Variants in STX17 observed in about 807,000 individuals in gnomAD.
The protein encoded by STX17 is syntaxin 17, also known as syntaxin-17.
A neutral mutation model predicts 35.9 loss-of-function variants in STX17; 29 were observed. The observed-to-expected ratio is 0.81, with a 90% CI of 0.60 to 1.10. STX17 has a LOEUF of 1.10. STX17 is among the 50% of genes least tolerant of loss of function. The pLI, the probability that STX17 is intolerant of heterozygous loss-of-function variation, is 0.00. For synonymous variants in STX17, 92 were observed against 118.3 expected (o/e 0.78, Z 1.44); for missense variants, 312 against 352.3 (o/e 0.89, Z 0.92).
At chr9:99,953,572 T>C (rs1208579852) in intron 4 of STX17, among the ~76,000 whole-genome samples, 3 of 152,092 alleles carry the variant, frequency 2.0e-5, no homozygotes, top group Non-Finnish European at 2.9e-5. Flanking sequence ...TAGTGCAAAC[T>C]GATGCTTTAT....
intron 6 of STX17, among the ~76,000 whole-genome samples, chr9:99,962,244 A>C (rs1829842795): frequency 6.6e-6 from 1 of 152,190 alleles, no homozygotes; most frequent in African/African-American, 2.4e-5. Context: ...GGATGCCTCT[A>C]AGTTAGAAGA....
chr9:99,938,399 A>G (rs1004727876), intron 3 of STX17, among the ~76,000 whole-genome samples: 7 of 152,214 alleles, frequency 4.6e-5, no homozygotes, highest in African/African-American at 1.7e-4. Context: ...GGATTAAGAA[A>G]CATTTTGTGA....
At chr9:99,938,258 AC>A (rs1829278676) in intron 3 of STX17, among the ~76,000 whole-genome samples, 1 of 151,834 alleles carries the variant, frequency 6.6e-6, no homozygotes. Context: ...CCTGTGCTGC[AC>A]TCTCCTCTCC....
intron 2 of STX17, among the ~76,000 whole-genome samples, chr9:99,926,680 A>C (rs1828992415): frequency 6.6e-6 from 1 of 151,998 alleles, no homozygotes. Flanking sequence ...TTGTATTTTT[A>C]GTAGAGACGG....
In STX17 at chr9:99,974,349, C is replaced by A. The variant is rs573795199; in HGVS notation, c.*5676C>A. Among the ~76,000 whole-genome samples the A allele has an allele frequency of 6.6e-6, 1 of 152,298 alleles. No individual in the cohort carries two copies. Among genetic ancestry groups the A allele is most frequent in the African/African-American group, 2.4e-5 (1 of 41,576 alleles). On this transcript the variant is annotated 3_prime_UTR_variant, in exon 8 of 8. Transcript: ENST00000259400. The stretch of plus-strand genomic sequence containing the variant: ...GTTTACTTGGGTTTCGTTAACTAAA[C>A]CCCCTAAAGATGTTTTCCATTTTAT...
At chr9:99,914,703 A>G (rs1194378902) in intron 1 of STX17, among the ~76,000 whole-genome samples, 4 of 152,240 alleles carry the variant, frequency 2.6e-5, no homozygotes, top group African/African-American at 9.6e-5. Flanking sequence ...TTATGATGAC[A>G]TTAGACATGA....
chr9:99,967,618 G>C (rs543491661), intron 6 of STX17, 35 bp from the exon 7 acceptor site: 1 of 1,600,668 alleles, frequency 6.2e-7, no homozygotes, highest in East Asian at 2.2e-5. Flanking sequence ...CTGCTCCCCA[G>C]CAGGACCGCT....
At chr9:99,911,257 C>T (rs578047756) in intron 1 of STX17, among the ~76,000 whole-genome samples, 140 of 152,008 alleles carry the variant, frequency 9.2e-4, no homozygotes, top group Non-Finnish European at 1.8e-3. Context: ...AGGATGGTCT[C>T]GATCTCCTGA....
At chr9:99,956,128 C>G (rs968278062) in intron 4 of STX17, among the ~76,000 whole-genome samples, 4 of 152,076 alleles carry the variant, frequency 2.6e-5, no homozygotes, top group African/African-American at 9.7e-5. Flanking sequence ...AGAGCACAGA[C>G]CTCTTTGTTC....
intron 3 of STX17, chr9:99,945,627 C>A: frequency 4.0e-6 from 1 of 248,860 alleles, no homozygotes; most frequent in Non-Finnish European, 8.1e-6. Flanking sequence ...TTATTGTGTG[C>A]TATTTCTTAA....
chr9:99,929,071 A>G (rs1829053447), intron 3 of STX17: 1 of 373,860 alleles, frequency 2.7e-6, no homozygotes, highest in African/African-American at 2.1e-5. Context: ...TTATACTCTC[A>G]CAAGCAATAC....
chr9:99,967,477 T>G, intron 6 of STX17, 176 bp from the exon 7 acceptor site: 1 of 377,586 alleles, frequency 2.6e-6, no homozygotes, highest in Non-Finnish European at 4.8e-6. Context: ...CCCCCCTTTT[T>G]TTTATGAAAG....
Position 99,960,090 on chromosome 9 carries a change from C to A in STX17, c.532-15C>A, listed in dbSNP as rs779336270. 2.4e-5 allele frequency: 39 copies of A among 1,613,886 alleles called. No homozygotes were observed. The highest frequency in any genetic ancestry group is 3.1e-5 in the Non-Finnish European group (37 of 1,179,918). ...GTGAGGCATAAAAGTAACTTCCTCT[C>A]CCTTTCTTTTAAAGGACTTAATTGA... On this transcript the variant is annotated splice_polypyrimidine_tract_variant and intron_variant, in intron 5 of 7. Transcript: ENST00000259400.
intron 2 of STX17, among the ~76,000 whole-genome samples, chr9:99,926,719 T>C (rs796355308): frequency 6.6e-6 from 1 of 152,236 alleles, no homozygotes. Context: ...AGGATGGTCT[T>C]GATATCCTGA....
chr9:99,913,619 T>C (rs1439328033), intron 1 of STX17, among the ~76,000 whole-genome samples: 1 of 152,222 alleles, frequency 6.6e-6, no homozygotes, highest in Non-Finnish European at 1.5e-5. Flanking sequence ...TATTTTATTA[T>C]CTTTCGTCCA....
At chr9:99,938,549 C>T (rs902704615) in intron 3 of STX17, among the ~76,000 whole-genome samples, 1 of 152,066 alleles carries the variant, frequency 6.6e-6, no homozygotes, top group African/African-American at 2.4e-5. Context: ...TTTTGGGAGG[C>T]CGAGGTGGAT....
intron 3 of STX17, among the ~76,000 whole-genome samples, chr9:99,949,987 A>G (rs1441991028): frequency 6.6e-6 from 1 of 151,722 alleles, no homozygotes; most frequent in Non-Finnish European, 1.5e-5. Context: ...TAAAGTTTCA[A>G]ATAAAATACT....
At position 99,928,776 on chromosome 9, in the gene STX17, A is replaced by G. The variant is rs756820820; in HGVS notation, c.124-2A>G. The G allele has an allele frequency of 6.2e-7, 1 of 1,611,608 alleles. No individual in the cohort carries two copies. The highest frequency in any genetic ancestry group is 1.3e-5 in the African/African-American group (1 of 74,870). ...AATACCTCCCTTCTTTCTTTTATAT[A>G]GTATCAAAGGTGCAGAATCTGGGAC... On this transcript the variant is annotated splice_acceptor_variant, in intron 2 of 7. Coordinates refer to ENST00000259400, the MANE Select transcript of STX17 (RefSeq NM_017919.3). LOFTEE classifies it high-confidence loss of function.
At position 99,928,791 on chromosome 9, in the gene STX17, G is replaced by C; in HGVS notation, c.137G>C (p.Arg46Thr). The C allele has an allele frequency of 6.2e-7, 1 of 1,613,598 alleles. No individual in the cohort carries two copies. The highest frequency in any genetic ancestry group is 8.5e-7 in the Non-Finnish European group (1 of 1,179,690). ...TCTTTTATATAGTATCAAAGGTGCA[G>C]AATCTGGGACAAGTTGCATGAAGAG... ...QINIEKYQRC[R>T]IWDKLHEEHI... The change falls in exon 3 of 8, where the codon AGA becomes ACA. Residue 46 changes from arginine (R) to threonine (T), a missense_variant. Arg to Thr is a moderately conservative substitution (Grantham distance 71, BLOSUM62 -1). Coordinates refer to ENST00000259400, the MANE Select transcript of STX17 (RefSeq NM_017919.3).
Sources: gnomAD v4.1 joint callset for allele counts (sites outside exome capture counted in the v4.1 genomes callset) on GRCh38, gnomAD v4.1.1 for gene constraint, MANE v1.5 for transcripts, NCBI Gene and HGNC (gene_info 2026-07-23, HGNC 2026-07-21) for gene names.